BICRAL: variants seen among roughly 807,000 people sequenced by gnomAD.
BICRAL encodes BICRA like chromatin remodeling complex associated protein, also known as BRD4-interacting chromatin-remodeling complex-associated protein-like.
In BICRAL, 8 loss-of-function variants were observed where a neutral mutation model predicts 91.8. The observed-to-expected ratio is 0.09, with a 90% CI of 0.05 to 0.16. BICRAL has a LOEUF of 0.16. BICRAL is among the 10% of genes least tolerant of loss of function. The pLI is 1.00. For synonymous variants in BICRAL, 445 were observed against 491.1 expected (o/e 0.91, Z 1.24); for missense variants, 1,038 against 1,310.9 (o/e 0.79, Z 3.21).
intron 1 of BICRAL, among the ~76,000 whole-genome samples, chr6:42,786,586 G>A (rs2113869352): frequency 6.6e-6 from 1 of 152,294 alleles, no homozygotes; most frequent in South Asian, 2.1e-4. Context: ...GTATAGTGGG[G>A]AAGGACAGAA....
chr6:42,811,442 G>A (rs1190465418), intron 2 of BICRAL, among the ~76,000 whole-genome samples: 1 of 152,112 alleles, frequency 6.6e-6, no homozygotes, highest in East Asian at 1.9e-4. Context: ...CCAACATGGT[G>A]AAACCCCGTC....
intron 1 of BICRAL, among the ~76,000 whole-genome samples, chr6:42,806,881 A>G (rs1763721538): frequency 6.6e-6 from 1 of 152,106 alleles, no homozygotes. Flanking sequence ...TCCAGGCTGG[A>G]GTGCAATGGC....
At chr6:42,750,392 G>A (rs1762356563) in intron 1 of BICRAL, among the ~76,000 whole-genome samples, 1 of 150,692 alleles carries the variant, frequency 6.6e-6, no homozygotes, top group African/African-American at 2.4e-5. Context: ...TTAAACTCTT[G>A]GGCTCAAGTG....
intron 1 of BICRAL, among the ~76,000 whole-genome samples, chr6:42,768,596 ACTC>A (rs1762668777): frequency 6.6e-6 from 1 of 152,108 alleles, no homozygotes; most frequent in Non-Finnish European, 1.5e-5. Flanking sequence ...AAATATTCCA[ACTC>A]CAAAGCTAGA....
chr6:42,785,694 A>T (rs1046503013), intron 1 of BICRAL, among the ~76,000 whole-genome samples: 1 of 152,230 alleles, frequency 6.6e-6, no homozygotes, highest in Admixed American at 6.5e-5. Context: ...AATTGTGGAC[A>T]TATCTTCTGG....
At chr6:42,827,052 C>A (rs1007957925) in intron 5 of BICRAL, among the ~76,000 whole-genome samples, 2 of 152,210 alleles carry the variant, frequency 1.3e-5, no homozygotes, top group Admixed American at 6.5e-5. Context: ...TCCCAAAGTG[C>A]TGGGATTAAT....
chr6:42,776,307 G>A (rs1762806068), intron 1 of BICRAL, among the ~76,000 whole-genome samples: 1 of 151,532 alleles, frequency 6.6e-6, no homozygotes, highest in Non-Finnish European at 1.5e-5. Context: ...AAAGTGCTGG[G>A]ATTACAGGCA....
intron 1 of BICRAL, among the ~76,000 whole-genome samples, chr6:42,765,774 G>A (rs1762621994): frequency 6.6e-6 from 1 of 152,100 alleles, no homozygotes; most frequent in African/African-American, 2.4e-5. Context: ...AGGCTGTCAG[G>A]GATCAAGGCA....
chr6:42,814,325 C>A (rs1562474662), intron 2 of BICRAL, among the ~76,000 whole-genome samples: 2 of 140,980 alleles, frequency 1.4e-5, no homozygotes, highest in South Asian at 4.7e-4. Flanking sequence ...GTCTCAACCC[C>A]CTGAGTTCAA....
intron 5 of BICRAL, among the ~76,000 whole-genome samples, chr6:42,826,409 A>G (rs923020503): frequency 6.6e-5 from 10 of 151,400 alleles, no homozygotes; most frequent in African/African-American, 2.2e-4. Flanking sequence ...TAATTTTTGT[A>G]TTTTTAGTAG....
chr6:42,790,536 C>T (rs1172646892), intron 1 of BICRAL, among the ~76,000 whole-genome samples: 2 of 150,390 alleles, frequency 1.3e-5, no homozygotes, highest in Non-Finnish European at 3.0e-5. Flanking sequence ...CCCCCCCCAC[C>T]TTCTTTTCCC....
intron 5 of BICRAL, among the ~76,000 whole-genome samples, chr6:42,823,911 G>A (rs542758966): frequency 9.9e-5 from 15 of 151,222 alleles, no homozygotes; most frequent in Admixed American, 5.9e-4. Context: ...GCGACAGAGC[G>A]AAACTCCATC....
chr6:42,815,950 C>G (rs1482130688), intron 2 of BICRAL, among the ~76,000 whole-genome samples: 1 of 138,786 alleles, frequency 7.2e-6, no homozygotes, highest in Non-Finnish European at 1.5e-5. Flanking sequence ...CGCCATTGCT[C>G]TCTAGCCTGG....
intron 1 of BICRAL, among the ~76,000 whole-genome samples, chr6:42,790,848 C>G (rs1351904502): frequency 6.6e-6 from 1 of 151,704 alleles, no homozygotes; most frequent in African/African-American, 2.4e-5. Context: ...GAGGAAAATA[C>G]AGTGAGTGAA....
chr6:42,823,630 A>G (rs1764205367), intron 5 of BICRAL, among the ~76,000 whole-genome samples: 1 of 152,152 alleles, frequency 6.6e-6, no homozygotes, highest in Non-Finnish European at 1.5e-5. Flanking sequence ...TCTATTTTTA[A>G]AAAATAAAAT....
chr6:42,781,727 T>C (rs1383097880), upstream of BICRAL: 3 of 149,674 alleles, frequency 2.0e-5, no homozygotes, highest in Non-Finnish European at 4.4e-5. Context: ...ATTTCTGAAG[T>C]TGAAAAGAAT....
chr6:42,846,639 G>A (rs1438780077), intron 6 of BICRAL, among the ~76,000 whole-genome samples: 1 of 152,136 alleles, frequency 6.6e-6, no homozygotes, highest in Admixed American at 6.5e-5. Context: ...GCGGCACAAG[G>A]AAGTAGTTTT....
chr6:42,829,505 T>C lies in BICRAL; in HGVS notation c.1172T>C (p.Met391Thr). The change falls in exon 6 of 13, where the codon ATG (methionine) becomes ACG (threonine). Residue 391 changes from methionine to threonine, a missense_variant. Around this residue, in one of 5 missense-constraint regions of BICRAL, gnomAD observed 532 missense variants for 724.9 expected, o/e 0.73. Coordinates refer to ENST00000314073, the MANE Select transcript of BICRAL (RefSeq NM_001393499.1). ...GGCAGTATTGTTATTCATTCCCCCA[T>C]GGGCCAACCTCACGCACCCCAAAGT... ...TGGSIVIHSP[M>T]GQPHAPQSQF... 6.2e-7 allele frequency: 1 copy of C among 1,614,134 alleles called. No individual in the cohort carries two copies. The highest frequency in any genetic ancestry group is 8.5e-7 in the Non-Finnish European group (1 of 1,179,988).
At chr6:42,841,183 ATTTTTTTTTT>A (rs70990150) in intron 6 of BICRAL, among the ~76,000 whole-genome samples, 1 of 80,682 alleles carries the variant, frequency 1.2e-5, no homozygotes, top group Non-Finnish European at 2.1e-5. Context: ...ACTCTTGAAT[ATTTTTTTTTT>A]TTTTTTTTTT....
Sources: allele counts gnomAD v4.1 joint callset (sites outside exome capture counted in the v4.1 genomes callset), GRCh38; gene constraint gnomAD v4.1.1; regional missense constraint gnomAD v4.1.1; transcripts MANE v1.5; gene names NCBI Gene and HGNC (gene_info 2026-07-23, HGNC 2026-07-21).